CDH16: variants seen among roughly 807,000 people sequenced by gnomAD.
CDH16 encodes cadherin-16.
In CDH16, 79 loss-of-function variants were observed where a neutral mutation model predicts 87.6. The observed-to-expected ratio is 0.90, with a 90% CI of 0.75 to 1.09. CDH16 has a LOEUF of 1.09. CDH16 is among the 50% of genes least tolerant of loss of function. The pLI is 0.00. For missense variants in CDH16, 1,124 were observed against 1,071.7 expected (o/e 1.05, Z -0.68); for synonymous variants, 457 against 439.5 (o/e 1.04, Z -0.50).
rs147797932 is a variant in CDH16, at chr16:66,912,425, C to T, written c.1365G>A (p.Gly455=). The change falls in exon 12 of 18, where the codon GGG becomes GGA. Residue 455 remains glycine, a synonymous_variant. Coordinates refer to ENST00000299752, the MANE Select transcript of CDH16 (RefSeq NM_004062.4). ...CCACATCCTCAGGGAGGCTTATAGG[C>T]CCAATCTGGAGGAGGAGGAGGGATG... ...HAPEFITSQI[G]PISLPEDVEP... 3.2e-4 allele frequency: 517 copies of T among 1,613,970 alleles called. No homozygotes were observed. Among genetic ancestry groups the T allele is most frequent in the South Asian group, 2.3e-3 (211 of 91,074 alleles).
Position 66,912,355 on chromosome 16 carries a change from G to A in CDH16, c.1435C>T (p.Leu479Phe). ...TCCATGAGGCGGAAGGCGGGCTCGA[G>A]GTCAGCATCAATGGCTGTTAGCATG... ...VAMLTAIDAD[L>F]EPAFRLMDFA... The change falls in exon 12 of 18, where the codon CTC (leucine) becomes TTC (phenylalanine). Residue 479 changes from leucine (L) to phenylalanine (F), a missense_variant. By Grantham distance (22) the Leu-to-Phe change is conservative. Coordinates refer to ENST00000299752, the MANE Select transcript of CDH16 (RefSeq NM_004062.4). 6.2e-7 allele frequency: 1 copy of A among 1,614,164 alleles called. No homozygotes were observed. The highest frequency in any genetic ancestry group is 8.5e-7 in the Non-Finnish European group (1 of 1,180,032).
intron 5 of CDH16, 65 bp downstream of exon 5, chr16:66,916,000 C>T (rs977351006): frequency 8.4e-5 from 134 of 1,592,062 alleles, no homozygotes; most frequent in African/African-American, 1.1e-4. Context: ...GCCATCTCTT[C>T]GCTCTCTGCT....
chr16:66,910,672 C>G (rs1002292874), intron 14 of CDH16, 170 bp from the exon 15 acceptor site: 4 of 729,886 alleles, frequency 5.5e-6, no homozygotes, highest in Admixed American at 3.8e-5. Context: ...GTGGACATCC[C>G]TGACTTTGGC....
At chr16:66,914,151 A>T in intron 7 of CDH16, 65 bp downstream of exon 7, 1 of 1,401,130 alleles carries the variant, frequency 7.1e-7, no homozygotes, top group Non-Finnish European at 1.0e-6. Flanking sequence ...CCAAATATCC[A>T]TGAGACTCGG....
chr16:66,913,006 GT>G, intron 9 of CDH16, 115 bp from the exon 10 acceptor site: 2 of 1,296,254 alleles, frequency 1.5e-6, no homozygotes, highest in Non-Finnish European at 2.2e-6. Context: ...GTGTGTGTGT[GT>G]GTGTGTGTGT....
chr16:66,912,778 C>T lies in CDH16; in HGVS notation c.1168G>A (p.Ala390Thr), dbSNP rs770095904. The T allele has an allele frequency of 1.2e-6, 2 of 1,613,690 alleles. No individual in the cohort carries two copies. Among genetic ancestry groups the T allele is most frequent in the South Asian group, 2.2e-5 (2 of 91,076 alleles). ...CCTGAAGTGGGGTCCACCTGGAAGGCTCTCCCCTCTACCCCATCCTCAGGC... is the reference window on the plus strand; with the variant it reads ...CCTGAAGTGGGGTCCACCTGGAAGGTTCTCCCCTCTACCCCATCCTCAGGC... Reference protein sequence around the residue: ...PEPEDGVEGRAFQVDPTSGSV... With the variant: ...PEPEDGVEGRTFQVDPTSGSV... Residue 390 changes from alanine (A) to threonine (T), a missense_variant, in exon 10 of 18, where the codon GCC becomes ACC. By Grantham distance (58) the Ala-to-Thr change is moderately conservative. Coordinates refer to ENST00000299752, the MANE Select transcript of CDH16 (RefSeq NM_004062.4).
At position 66,908,167 on chromosome 16, in the gene CDH16, TG is replaced by T. The variant is rs1235857297; in HGVS notation, c.*224del. ...GCCCAGTTCTCTGGGGCTTTATTAT[TG>T]GGCAAACACCCTGACATTTGGAGCA... On this transcript the variant is annotated 3_prime_UTR_variant, in exon 18 of 18. Coordinates refer to ENST00000299752, the MANE Select transcript of CDH16 (RefSeq NM_004062.4). The T allele has an allele frequency of 1.8e-6, 1 of 568,728 alleles. No homozygotes were observed. Among genetic ancestry groups the T allele is most frequent in the Non-Finnish European group, 3.1e-6 (1 of 318,220 alleles). The allele number at this position is 568,728 out of a possible 1,614,324, so 35.2% of individuals were successfully genotyped here. A position where few individuals can be genotyped will look rare whatever the true frequency, so the allele number is the denominator to read the frequency against.
Position 66,912,395 on chromosome 16 carries a change from G to A in CDH16, c.1395C>T (p.Pro465=), listed in dbSNP as rs769657607. 4.4e-5 allele frequency: 71 copies of A among 1,613,896 alleles called. No homozygotes were observed. Among genetic ancestry groups the A allele is most frequent in the South Asian group, 5.5e-5 (5 of 91,078 alleles). ...GPISLPEDVE[P]GTLVAMLTAI... is the part of the protein sequence containing the mutation. Reference sequence around the variant, plus strand: ...CTGTTAGCATGGCCACCAGAGTCCCGGGCTCCACATCCTCAGGGAGGCTTA... The same window carrying A: ...CTGTTAGCATGGCCACCAGAGTCCCAGGCTCCACATCCTCAGGGAGGCTTA... Residue 465 remains proline, a synonymous_variant, in exon 12 of 18, where the codon CCC becomes CCT. Coordinates refer to ENST00000299752, the MANE Select transcript of CDH16 (RefSeq NM_004062.4).
chr16:66,916,538 T>C lies in CDH16; in HGVS notation c.130-109A>G. On this transcript the variant is annotated intron_variant, in intron 3 of 17. Transcript: ENST00000299752. This position sits in a 1 kb window ranked among gnomAD's most constrained non-coding sequence, Gnocchi z 4.1. ...GTGGGGAAACTGAGTCTCAGAGACA[T>C]CTGGCTCCTGTCAGAGGTCACACAG... is the stretch of plus-strand genomic sequence containing the variant. 7.8e-7 allele frequency: 1 copy of C among 1,277,360 alleles called. No individual in the cohort carries two copies. The highest frequency in any genetic ancestry group is 2.7e-5 in the Admixed American group (1 of 36,402). 79.1% of individuals were successfully genotyped at this position (1,277,360 alleles called of 1,614,324 possible). A position where few individuals can be genotyped will look rare whatever the true frequency, so the allele number is the denominator to read the frequency against.
At chr16:66,911,771 T>C (rs1962427371) in intron 13 of CDH16, 128 bp downstream of exon 13, 4 of 1,191,292 alleles carry the variant, frequency 3.4e-6, no homozygotes, top group Non-Finnish European at 4.6e-6. Flanking sequence ...AGTCACAACC[T>C]TGGCATTTGC....
Position 66,909,821 on chromosome 16 carries a change from C to T in CDH16, c.2275+165G>A, listed in dbSNP as rs771256770. Reference sequence around the variant, plus strand: ...AAAAAAAAATGTATGTGCCTCTGTGCCTGTTCCTGTGTGCCCAGGTATGTG... The same window carrying T: ...AAAAAAAAATGTATGTGCCTCTGTGTCTGTTCCTGTGTGCCCAGGTATGTG... On this transcript the variant is annotated intron_variant, in intron 16 of 17. Coordinates refer to ENST00000299752, the MANE Select transcript of CDH16 (RefSeq NM_004062.4). This position sits in a 1 kb window ranked among gnomAD's most constrained non-coding sequence, Gnocchi z 4.1. Among the ~76,000 whole-genome samples, 2 of 152,120 alleles carry T rather than the reference C, an allele frequency of 1.3e-5. No individual in the cohort carries two copies. The highest frequency in any genetic ancestry group is 2.9e-5 in the Non-Finnish European group (2 of 68,016).
rs754939577 is a variant in CDH16 at position 66,910,329 on chromosome 16, C to T, written c.2098G>A (p.Gly700Ser). 11 of 1,613,548 alleles carry T rather than the reference C, an allele frequency of 6.8e-6. No individual in the cohort carries two copies. The highest frequency in any genetic ancestry group is 3.3e-5 in the South Asian group (3 of 90,998). ...SKDPDLASGHGPYSFTLGPNP... is the reference protein window; with the variant it reads ...SKDPDLASGHSPYSFTLGPNP... The stretch of plus-strand genomic sequence containing the variant: ...GGACCAAGGGTGAAGCTGTAGGGAC[C>T]GTGCCCACTGGCCAGATCGGGGTCC... Residue 700 changes from glycine (G) to serine (S), a missense_variant, in exon 15 of 18, where the codon GGT becomes AGT. Transcript: ENST00000299752.
At chr16:66,914,447 C>G (rs776120020) in intron 6 of CDH16, 35 bp from the exon 7 acceptor site, 10 of 1,549,118 alleles carry the variant, frequency 6.5e-6, no homozygotes, top group Non-Finnish European at 8.9e-6. Flanking sequence ...GAGCAGGCAG[C>G]CAGGGAGCAG....
At position 66,913,616 on chromosome 16, in the gene CDH16, G is replaced by C; in HGVS notation, c.781-3C>G. 6.2e-7 allele frequency: 1 copy of C among 1,610,950 alleles called. No homozygotes were observed. Among genetic ancestry groups the C allele is most frequent in the Non-Finnish European group, 8.5e-7 (1 of 1,178,338 alleles). On this transcript the variant is annotated splice_polypyrimidine_tract_variant and splice_region_variant and intron_variant, in intron 7 of 17. Coordinates refer to ENST00000299752, the MANE Select transcript of CDH16 (RefSeq NM_004062.4). ...ACATCACCCCCACTCCAGTGTACCT[G>C]GGGGGGACACCCCGGGCCAAGGGGC...
rs560310384 is a variant in CDH16 at position 66,916,295 on chromosome 16, C to T, written c.264G>A (p.Glu88=). Residue 88 remains glutamate, a synonymous_variant, in exon 4 of 18, where the codon GAG becomes GAA. Coordinates refer to ENST00000299752, the MANE Select transcript of CDH16 (RefSeq NM_004062.4). This position sits in a 1 kb window ranked among gnomAD's most constrained non-coding sequence, Gnocchi z 4.1. ...LLVTRALDRE[E]QAEYQLQVTL... ...ATACCTGTAGCTGGTACTCTGCCTG[C>T]TCCTCTCGGTCCAGGGCCCTGGTCA... The T allele has an allele frequency of 3.7e-6, 6 of 1,613,844 alleles. 1 individual carries two copies. In the South Asian group the frequency reaches 6.6e-5, roughly 18 times the overall value.
intron 6 of CDH16, 88 bp downstream of exon 6, chr16:66,915,132 T>A (rs1962619591): frequency 7.6e-7 from 1 of 1,311,228 alleles, no homozygotes; most frequent in Admixed American, 2.2e-5. Flanking sequence ...CCTCTCAAGC[T>A]CCCACCCATG....
At chr16:66,914,957 C>A (rs562017341) in intron 6 of CDH16, among the ~76,000 whole-genome samples, 77 of 152,278 alleles carry the variant, frequency 5.1e-4, no homozygotes, top group African/African-American at 1.7e-3. Context: ...AGGCTACAAC[C>A]CCTTAGACTG....
chr16:66,911,919 G>T lies in CDH16; in HGVS notation c.1770C>A (p.Asp590Glu). ...GSFLLTIQPSDPISRTLRFSL... is the reference protein window; with the variant it reads ...GSFLLTIQPSEPISRTLRFSL... The stretch of plus-strand genomic sequence containing the variant: ...CTCACCTGAGGGTTCGGCTGATGGG[G>T]TCGGAGGGCTGGATGGTCAGCAGGA... Residue 590 changes from aspartate to glutamate, a missense_variant, in exon 13 of 18, where the codon GAC becomes GAA. Coordinates refer to ENST00000299752, the MANE Select transcript of CDH16 (RefSeq NM_004062.4). 6.2e-7 allele frequency: 1 copy of T among 1,608,066 alleles called. No individual in the cohort carries two copies. Among genetic ancestry groups the T allele is most frequent in the African/African-American group, 1.3e-5 (1 of 75,010 alleles).
Position 66,916,209 on chromosome 16 carries a change from A to G in CDH16, c.286-6T>C. The G allele has an allele frequency of 6.2e-7, 1 of 1,614,256 alleles. No individual in the cohort carries two copies. The highest frequency in any genetic ancestry group is 2.2e-5 in the East Asian group (1 of 44,882). Reference sequence around the variant, plus strand: ...TCCTGCATCTCCAGGGTGACCTGGCAGGGAAGGGGAGTCAGCGTCTGGCTC... The same window carrying G: ...TCCTGCATCTCCAGGGTGACCTGGCGGGGAAGGGGAGTCAGCGTCTGGCTC... On this transcript the variant is annotated splice_polypyrimidine_tract_variant and splice_region_variant and intron_variant, in intron 4 of 17. Coordinates refer to ENST00000299752, the MANE Select transcript of CDH16 (RefSeq NM_004062.4). The surrounding 1 kb of genome is among the most constrained non-coding windows in gnomAD (Gnocchi z 4.1).
Sources: allele counts gnomAD v4.1 joint callset (sites outside exome capture counted in the v4.1 genomes callset), GRCh38; gene constraint gnomAD v4.1.1; non-coding constraint Gnocchi (gnomAD v3.1); transcripts MANE v1.5; gene names NCBI Gene and HGNC (gene_info 2026-07-23, HGNC 2026-07-21).